Variants in SLC4A4 observed in about 807,000 individuals in gnomAD.
SLC4A4 encodes solute carrier family 4 member 4.
Under a neutral mutation model 111.5 loss-of-function variants are expected in SLC4A4, and 27 were observed. The observed-to-expected ratio is 0.24, with a 90% CI of 0.18 to 0.33. The LOEUF (loss-of-function observed/expected upper bound fraction) is 0.33, where lower values mean the gene tolerates loss of function less well. SLC4A4 is among the 10% of genes least tolerant of loss of function. The probability of loss-of-function intolerance (pLI) is 1.00; values close to 1 mark genes in which losing one functional copy is unlikely to be tolerated. For synonymous variants in SLC4A4, 443 were observed against 463.4 expected (o/e 0.96, Z 0.57); for missense variants, 909 against 1,315.5 (o/e 0.69, Z 4.78).
At chr4:71,096,650 A>G (rs1055782294) in intron 2 of SLC4A4, among the ~76,000 whole-genome samples, 1 of 152,208 alleles carries the variant, frequency 6.6e-6, no homozygotes, top group African/African-American at 2.4e-5. Context: ...TTTTGCTGCG[A>G]GTTCCAATAT....
At chr4:71,073,624 A>G (rs772679968) in intron 1 of SLC4A4, among the ~76,000 whole-genome samples, 2 of 152,100 alleles carry the variant, frequency 1.3e-5, no homozygotes, top group East Asian at 1.9e-4. Context: ...TATATTTCAC[A>G]TATTTATTTT....
At chr4:71,415,594 A>G (rs1410516933) in intron 7 of SLC4A4, among the ~76,000 whole-genome samples, 2 of 152,194 alleles carry the variant, frequency 1.3e-5, no homozygotes, top group African/African-American at 4.8e-5. Context: ...TTTAATGCAC[A>G]GCTGAATTTT....
chr4:71,478,058 A>G (rs901162335), intron 14 of SLC4A4, among the ~76,000 whole-genome samples: 9 of 152,022 alleles, frequency 5.9e-5, no homozygotes, highest in African/African-American at 2.2e-4. Context: ...TCAAAACCAC[A>G]ATGAGATACC....
chr4:71,178,721 C>T (rs1383135759), intron 2 of SLC4A4, among the ~76,000 whole-genome samples: 1 of 152,110 alleles, frequency 6.6e-6, no homozygotes, highest in Non-Finnish European at 1.5e-5. Context: ...TAATAGCTTA[C>T]CAACCAAAAA....
intron 2 of SLC4A4, among the ~76,000 whole-genome samples, chr4:71,093,513 A>G (rs973952775): frequency 6.6e-6 from 1 of 152,332 alleles, no homozygotes; most frequent in South Asian, 2.1e-4. Context: ...AAAGATTTAA[A>G]TCATAAATAG....
chr4:71,066,613 A>G (rs1173639410), intron 1 of SLC4A4, among the ~76,000 whole-genome samples: 1 of 152,144 alleles, frequency 6.6e-6, no homozygotes, highest in Non-Finnish European at 1.5e-5. Context: ...TTTCTTTGTA[A>G]TTTTTCCTTG....
At chr4:71,149,397 G>A (rs897692874) in intron 2 of SLC4A4, among the ~76,000 whole-genome samples, 5 of 152,038 alleles carry the variant, frequency 3.3e-5, no homozygotes, top group African/African-American at 1.2e-4. Context: ...GATTAAAAAA[G>A]GTTATAGAAA....
chr4:71,336,339 T>C (rs951913711), intron 3 of SLC4A4, among the ~76,000 whole-genome samples: 6 of 152,180 alleles, frequency 3.9e-5, no homozygotes. Context: ...TAATAATCAA[T>C]GAAAACAGTT....
Position 71,451,277 on chromosome 4 carries a change from G to T in SLC4A4, c.1298G>T (p.Cys433Phe). 1.2e-6 allele frequency: 2 copies of T among 1,612,012 alleles called. No individual in the cohort carries two copies. Among genetic ancestry groups the T allele is most frequent in the East Asian group, 2.2e-5 (1 of 44,848 alleles). The change falls in exon 11 of 26, where the codon TGT (cysteine) becomes TTT (phenylalanine). Residue 433 changes from cysteine to phenylalanine, a missense_variant. Around this residue, in one of 7 missense-constraint regions of SLC4A4, gnomAD observed 312 missense variants for 402.0 expected, o/e 0.78. Coordinates refer to ENST00000264485, the MANE Select transcript of SLC4A4 (RefSeq NM_001098484.3). ...GGHGGGGHGD[C>F]EELQRTGRFC... The stretch of plus-strand genomic sequence containing the variant: ...CACGGAGGAGGAGGACATGGGGATT[G>T]TGAAGAATTGCAGCGAACTGGACGG...
intron 10 of SLC4A4, among the ~76,000 whole-genome samples, chr4:71,450,937 A>C (rs1177961980): frequency 6.6e-6 from 1 of 152,088 alleles, no homozygotes; most frequent in African/African-American, 2.4e-5. Flanking sequence ...CTAGAAATCT[A>C]TTTTTTCCCA....
chr4:71,398,055 G>A (rs569984528), intron 7 of SLC4A4, among the ~76,000 whole-genome samples: 2 of 152,162 alleles, frequency 1.3e-5, no homozygotes, highest in East Asian at 3.9e-4. Flanking sequence ...GGAGGCTGAG[G>A]TGGGCGGATC....
chr4:71,190,433 C>T (rs1406237591), intron 1 of SLC4A4, among the ~76,000 whole-genome samples: 2 of 148,652 alleles, frequency 1.3e-5, no homozygotes, highest in Non-Finnish European at 3.0e-5. Context: ...CACACACAGA[C>T]ACAACTCATT....
intron 1 of SLC4A4, among the ~76,000 whole-genome samples, chr4:71,091,739 A>AG (rs1181038158): frequency 6.6e-6 from 1 of 152,160 alleles, no homozygotes; most frequent in Non-Finnish European, 1.5e-5. Context: ...TTTGGGAAAT[A>AG]CTACATGTCC....
intron 2 of SLC4A4, among the ~76,000 whole-genome samples, chr4:71,168,172 A>G (rs1241224456): frequency 7.3e-6 from 1 of 136,724 alleles, no homozygotes; most frequent in Non-Finnish European, 1.5e-5. Flanking sequence ...CAATTCAATT[A>G]TACTCTTTTT....
At chr4:71,212,738 T>C (rs972918787) in intron 1 of SLC4A4, among the ~76,000 whole-genome samples, 1 of 152,162 alleles carries the variant, frequency 6.6e-6, no homozygotes, top group African/African-American at 2.4e-5. Flanking sequence ...GTAGGCCAGG[T>C]CACATTAAAT....
At chr4:71,124,167 G>A (rs562886075) in intron 2 of SLC4A4, among the ~76,000 whole-genome samples, 101 of 122,916 alleles carry the variant, frequency 8.2e-4, no homozygotes, top group Middle Eastern at 4.3e-3. Flanking sequence ...AACACCCTAG[G>A]CCCACACTTT....
At chr4:71,417,977 A>C (rs1721969342) in intron 7 of SLC4A4, among the ~76,000 whole-genome samples, 2 of 152,336 alleles carry the variant, frequency 1.3e-5, no homozygotes, top group Middle Eastern at 3.4e-3. Context: ...TACATTTCTT[A>C]CAAGCTTGCT....
chr4:71,350,375 T>TTTA (rs890444655), intron 5 of SLC4A4, among the ~76,000 whole-genome samples: 5 of 151,794 alleles, frequency 3.3e-5, no homozygotes, highest in African/African-American at 1.2e-4. Context: ...TTTATTTTAT[T>TTTA]TTATTATTAT....
intron 6 of SLC4A4, among the ~76,000 whole-genome samples, chr4:71,371,312 C>T (rs1191216009): frequency 1.4e-5 from 2 of 138,026 alleles, no homozygotes; most frequent in African/African-American, 2.7e-5. Flanking sequence ...GGCTTGATCT[C>T]GGCTTACTGC....
Sources: allele counts gnomAD v4.1 joint callset (sites outside exome capture counted in the v4.1 genomes callset), GRCh38; gene constraint gnomAD v4.1.1; regional missense constraint gnomAD v4.1.1; transcripts MANE v1.5; gene names NCBI Gene and HGNC (gene_info 2026-07-23, HGNC 2026-07-21).